Variants in ARHGEF7 observed in about 807,000 individuals in gnomAD.
The protein encoded by ARHGEF7 is Rho guanine nucleotide exchange factor 7, also known as PAK-interacting exchange factor beta.
A neutral mutation model predicts 109.8 loss-of-function variants in ARHGEF7; 33 were observed. That is an observed-to-expected ratio of 0.30 (90% confidence interval 0.23 to 0.40). The LOEUF is 0.40. Among genes scored for constraint, ARHGEF7 ranks in the 10% least tolerant of loss-of-function variants. The probability of loss-of-function intolerance (pLI) is 1.00; values close to 1 mark genes in which losing one functional copy is unlikely to be tolerated. For missense variants in ARHGEF7, 938 were observed against 1,098.5 expected (o/e 0.85, Z 2.07); for synonymous variants, 458 against 424.6 (o/e 1.08, Z -0.97).
chr13:111,144,176 T>A (rs1051963473), intron 1 of ARHGEF7: 1 of 152,250 alleles, frequency 6.6e-6, no homozygotes, highest in Non-Finnish European at 1.5e-5. Flanking sequence ...TTGTATCTAT[T>A]ACTACCCTTC....
chr13:111,202,485 G>A lies in ARHGEF7; in HGVS notation c.253-2804G>A, dbSNP rs115635514. Among the ~76,000 whole-genome samples, 339 of 152,306 alleles carry A rather than the reference G, an allele frequency of 2.2e-3. 1 individual carries two copies. The highest frequency in any genetic ancestry group is 7.8e-3 in the African/African-American group (325 of 41,570). ...GCTGAGGCTTCCAAAAGGAGGCCTG[G>A]AGACAATGGAATATGGTTTGTACTT... is the stretch of plus-strand genomic sequence containing the variant. On this transcript the variant is annotated intron_variant, in intron 2 of 21. Coordinates refer to ENST00000646102, the MANE Select transcript of ARHGEF7 (RefSeq NM_001354046.2).
chr13:111,294,038 C>T (rs2093365503), intron 19 of ARHGEF7: 12 of 985,420 alleles, frequency 1.2e-5, no homozygotes, highest in Non-Finnish European at 1.4e-5. Context: ...GAACTGCTCA[C>T]ACCATTGGAA....
Position 111,280,252 on chromosome 13 carries a change from TGGGGG to T in ARHGEF7, c.1507-15_1507-11del. 1 of 1,434,842 alleles carries T rather than the reference TGGGGG, an allele frequency of 7.0e-7. No individual in the cohort carries two copies. The highest frequency in any genetic ancestry group is 1.3e-5 in the South Asian group (1 of 79,128). The allele number at this position is 1,434,842 out of a possible 1,614,324, so 88.9% of individuals were successfully genotyped here. On this transcript the variant is annotated splice_polypyrimidine_tract_variant and intron_variant, in intron 13 of 21. Coordinates refer to ENST00000646102, the MANE Select transcript of ARHGEF7 (RefSeq NM_001354046.2). The stretch of plus-strand genomic sequence containing the variant: ...AAAGCACTAATTGTTTTTTTTTTTG[TGGGGG>T]GGGGTCTTTTTTAGGGAAAGCTTCC...
At chr13:111,162,694 A>G (rs2076837482) in intron 2 of ARHGEF7, among the ~76,000 whole-genome samples, 2 of 152,302 alleles carry the variant, frequency 1.3e-5, no homozygotes, top group South Asian at 4.1e-4. Flanking sequence ...GTATTTCTGA[A>G]GGACAAGTTC....
intron 1 of ARHGEF7, among the ~76,000 whole-genome samples, chr13:111,123,896 G>T (rs867183862): frequency 9.3e-6 from 1 of 107,786 alleles, no homozygotes. Flanking sequence ...CTGCCCCTGC[G>T]GCTGCCAGGC....
rs756849158 is a variant in ARHGEF7 at position 111,275,595 on chromosome 13, C to T, written c.1336C>T (p.Arg446Trp). The T allele has an allele frequency of 3.7e-6, 6 of 1,614,110 alleles. No individual in the cohort carries two copies. Among genetic ancestry groups the T allele is most frequent in the African/African-American group, 1.3e-5 (1 of 75,026 alleles). ...GCTGCAGATCCTGACGGAAGCCATCCGGAACTGGGAGGGCGATGACATTAA... is the reference window on the plus strand; with the variant it reads ...GCTGCAGATCCTGACGGAAGCCATCTGGAACTGGGAGGGCGATGACATTAA... ...LELQILTEAI[R>W]NWEGDDIKTL... The change falls in exon 12 of 22, where the codon CGG becomes TGG. Residue 446 changes from arginine to tryptophan, a missense_variant. By Grantham distance (101) the Arg-to-Trp change is moderately radical. Transcript: ENST00000646102.
chr13:111,279,768 T>C (rs1052333792), intron 13 of ARHGEF7, among the ~76,000 whole-genome samples: 1 of 152,246 alleles, frequency 6.6e-6, no homozygotes, highest in African/African-American at 2.4e-5. Context: ...GTGCAGCATT[T>C]AGCACAACTA....
chr13:111,221,650 T>C, intron 5 of ARHGEF7, among the ~76,000 whole-genome samples: 1 of 140,952 alleles, frequency 7.1e-6, no homozygotes, highest in Non-Finnish European at 1.5e-5. Context: ...CCTTTATATA[T>C]ATATATAACA....
chr13:111,284,146 A>G (rs987810633), intron 16 of ARHGEF7, among the ~76,000 whole-genome samples: 7 of 152,010 alleles, frequency 4.6e-5, no homozygotes, highest in East Asian at 3.9e-4. Context: ...GAGTGTGGGT[A>G]TCGTGCGCGT....
In ARHGEF7 at chr13:111,202,046, A is replaced by C. The variant is rs545517298; in HGVS notation, c.253-3243A>C. Among the ~76,000 whole-genome samples, 10 of 152,334 alleles carry C rather than the reference A, an allele frequency of 6.6e-5. No homozygotes were observed. In the South Asian group the frequency reaches 2.1e-3, roughly 32 times the overall value. On this transcript the variant is annotated intron_variant, in intron 2 of 21. Coordinates refer to ENST00000646102, the MANE Select transcript of ARHGEF7 (RefSeq NM_001354046.2). The stretch of plus-strand genomic sequence containing the variant: ...GGTGGAAAACTGGTAGGATGATTTC[A>C]TTTTGGGAGTATCGGATCATTCTAT...
intron 5 of ARHGEF7, among the ~76,000 whole-genome samples, chr13:111,231,102 C>T (rs927021764): frequency 3.3e-5 from 5 of 152,136 alleles, no homozygotes; most frequent in Non-Finnish European, 5.9e-5. Flanking sequence ...CACATGCTGA[C>T]GTGCGGCTTA....
In ARHGEF7 at chr13:111,147,690, CTTTTTTTTTTT is replaced by C. The variant is rs11463808; in HGVS notation, c.166-6200_166-6190del. Among the ~76,000 whole-genome samples, 19 of 82,352 alleles carry C rather than the reference CTTTTTTTTTTT, an allele frequency of 2.3e-4. No individual in the cohort carries two copies. The Admixed American group carries it at 2.8e-3, about 12-fold the overall frequency. 54.0% of individuals were successfully genotyped at this position (82,352 alleles called of 152,430 possible). ...TTCACCCTTCCAACTCAGAGGTCAC[CTTTTTTTTTTT>C]TTTTTTTTTTTTTTGAGACGGAGTC... On this transcript the variant is annotated intron_variant, in intron 1 of 21. Coordinates refer to ENST00000646102, the MANE Select transcript of ARHGEF7 (RefSeq NM_001354046.2).
chr13:111,281,325 T>G (rs2153608380), intron 15 of ARHGEF7, among the ~76,000 whole-genome samples: 1 of 151,536 alleles, frequency 6.6e-6, no homozygotes, highest in Non-Finnish European at 1.5e-5. Context: ...TATCAAGTAA[T>G]ACGGAAAAAC....
chr13:111,209,845 CTT>C, intron 3 of ARHGEF7, 25 bp from the exon 4 acceptor site: 1 of 1,610,190 alleles, frequency 6.2e-7, no homozygotes, highest in South Asian at 1.1e-5. Context: ...TCTCAGCTCT[CTT>C]TTTCTGTGTG....
At chr13:111,214,010 G>T (rs2082813507) in intron 4 of ARHGEF7, among the ~76,000 whole-genome samples, 1 of 152,188 alleles carries the variant, frequency 6.6e-6, no homozygotes, top group African/African-American at 2.4e-5. Flanking sequence ...ATGTCCTTCA[G>T]TGTAATGACT....
At chr13:111,126,854 G>A (rs572770383) in intron 1 of ARHGEF7, among the ~76,000 whole-genome samples, 1 of 152,310 alleles carries the variant, frequency 6.6e-6, no homozygotes, top group Admixed American at 6.5e-5. Context: ...TTTGTTGCCT[G>A]TAATGGAGCT....
intron 2 of ARHGEF7, among the ~76,000 whole-genome samples, chr13:111,188,397 G>A (rs529217409): frequency 6.6e-6 from 1 of 152,342 alleles, no homozygotes; most frequent in Middle Eastern, 3.4e-3. Context: ...GTTGCCTGTA[G>A]AAATGGATGA....
chr13:111,292,571 T>G (rs1264210438), intron 19 of ARHGEF7: 1 of 1,339,728 alleles, frequency 7.5e-7, no homozygotes, highest in African/African-American at 1.5e-5. Flanking sequence ...GTGCTCTTCG[T>G]AAGGGGTAGT....
intron 2 of ARHGEF7, among the ~76,000 whole-genome samples, chr13:111,195,208 C>T (rs1049434286): frequency 6.6e-6 from 1 of 152,124 alleles, no homozygotes; most frequent in African/African-American, 2.4e-5. Flanking sequence ...TTTTGCCCTT[C>T]CAGATTGTCT....
Sources: gnomAD v4.1 joint callset for allele counts (sites outside exome capture counted in the v4.1 genomes callset) on GRCh38, gnomAD v4.1.1 for gene constraint, MANE v1.5 for transcripts, NCBI Gene and HGNC (gene_info 2026-07-23, HGNC 2026-07-21) for gene names.